Variants in LCP2 observed in about 807,000 individuals in gnomAD.
The protein encoded by LCP2 is lymphocyte cytosolic protein 2.
A neutral mutation model predicts 74.5 loss-of-function variants in LCP2; 29 were observed. That is an observed-to-expected ratio of 0.39 (90% CI 0.29 to 0.53). The LOEUF is 0.53. Among genes scored for constraint, LCP2 ranks in the 20% least tolerant of loss-of-function variants. The probability of loss-of-function intolerance (pLI) is 0.72; values close to 1 mark genes in which losing one functional copy is unlikely to be tolerated. For synonymous variants in LCP2, 228 were observed against 229.5 expected, an observed-to-expected ratio of 0.99 and a Z score of 0.06; for missense variants, 604 against 634.6, an observed-to-expected ratio of 0.95 and a Z score of 0.52.
At position 170,257,173 on chromosome 5, in the gene LCP2, C is replaced by T. The variant is rs148057924; in HGVS notation, c.1101-598G>A. Among the ~76,000 whole-genome samples the T allele has an allele frequency of 1.6e-3, 250 of 152,290 alleles. 1 individual carries two copies. The highest frequency in any genetic ancestry group is 2.7e-3 in the Admixed American group (42 of 15,302). On this transcript the variant is annotated intron_variant, in intron 16 of 20. Coordinates refer to ENST00000046794, the MANE Select transcript of LCP2 (RefSeq NM_005565.5). ...TCTAAACCTTTGGGAAAAGTCTGCTCTGCACAGCAACCTTGTGTGAGTGGG... is the reference window on the plus strand; with the variant it reads ...TCTAAACCTTTGGGAAAAGTCTGCTTTGCACAGCAACCTTGTGTGAGTGGG...
In LCP2 at chr5:170,270,857, CAT is replaced by C; in HGVS notation, c.383_384del (p.Tyr128Ter). On this transcript the variant is annotated frameshift_variant, in exon 7 of 21. Coordinates refer to ENST00000046794, the MANE Select transcript of LCP2 (RefSeq NM_005565.5). LOFTEE classifies it high-confidence loss of function. ...DDQDGEDDGD[Y>X]ESPNEEEEAP... The stretch of plus-strand genomic sequence containing the variant: ...GCCTCTTCCTCCTCATTGGGGGACT[CAT>C]AGTCTCCATCATCCTCCCCATCCTG... 6.2e-7 allele frequency: 1 copy of C among 1,612,548 alleles called. No individual in the cohort carries two copies. The highest frequency in any genetic ancestry group is 8.5e-7 in the Non-Finnish European group (1 of 1,179,178).
At chr5:170,289,649 CTT>C (rs1195946330) in intron 2 of LCP2, among the ~76,000 whole-genome samples, 6 of 116,724 alleles carry the variant, frequency 5.1e-5, no homozygotes, top group African/African-American at 2.0e-4. Context: ...TTCTTTCTTT[CTT>C]TCTTTCTTTC....
At chr5:170,290,832 C>T (rs1350220548) in intron 2 of LCP2, among the ~76,000 whole-genome samples, 2 of 151,530 alleles carry the variant, frequency 1.3e-5, no homozygotes, top group Non-Finnish European at 2.9e-5. Flanking sequence ...CTCCTTTTCT[C>T]TTCTTTTTAT....
chr5:170,251,548 A>T (rs1160262548), intron 19 of LCP2: 3 of 422,150 alleles, frequency 7.1e-6, no homozygotes, highest in African/African-American at 6.1e-5. Context: ...ATTGGTAAGG[A>T]CTCCTTTAAA....
At chr5:170,260,228 C>G (rs903947034) in intron 14 of LCP2, among the ~76,000 whole-genome samples, 3 of 152,240 alleles carry the variant, frequency 2.0e-5, no homozygotes, top group Non-Finnish European at 1.5e-5. Flanking sequence ...ACAGAGCATC[C>G]CGTGATTGCA....
In LCP2 at chr5:170,261,036, T is replaced by A. The variant is rs760034287; in HGVS notation, c.957+71A>T. 34 of 1,190,526 alleles carry A rather than the reference T, an allele frequency of 2.9e-5. No individual in the cohort carries two copies. The East Asian group carries it at 4.5e-4, about 16-fold the overall frequency. 73.7% of individuals were successfully genotyped at this position (1,190,526 alleles called of 1,614,324 possible). A position where few individuals can be genotyped will look rare whatever the true frequency, so the allele number is the denominator to read the frequency against. On this transcript the variant is annotated intron_variant, in intron 14 of 20. Coordinates refer to ENST00000046794, the MANE Select transcript of LCP2 (RefSeq NM_005565.5). ...TGGGCCAAGGCCAAGGTGGATGGAG[T>A]CCCAACCTCCTAAGAGCCTATGCTT...
intron 14 of LCP2, among the ~76,000 whole-genome samples, chr5:170,259,121 G>A (rs2113161200): frequency 6.6e-6 from 1 of 152,264 alleles, no homozygotes. Context: ...TACTCAGCAT[G>A]AAATAGATTC....
rs200125818 is a variant in LCP2 at position 170,287,977 on chromosome 5, G to A, written c.181C>T (p.Arg61Trp). 19 of 1,613,882 alleles carry A rather than the reference G, an allele frequency of 1.2e-5. No homozygotes were observed. The highest frequency in any genetic ancestry group is 6.7e-5 in the African/African-American group (5 of 74,998). Residue 61 changes from arginine (R) to tryptophan (W), a missense_variant, in exon 3 of 21, where the codon CGG becomes TGG. Transcript: ENST00000046794. Reference sequence around the variant, plus strand: ...AGTTGGAGGAGTACTTACGGCACCCGGAGCTTGGGGAACTTCTGGATGTCA... The same window carrying A: ...AGTTGGAGGAGTACTTACGGCACCCAGAGCTTGGGGAACTTCTGGATGTCA... ...ENDIQKFPKL[R>W]VPILSKLSQE...
intron 2 of LCP2, among the ~76,000 whole-genome samples, chr5:170,289,671 T>TTCTTTCTTTCTCTC (rs1554141414): frequency 1.1e-3 from 93 of 84,114 alleles, no homozygotes; most frequent in Admixed American, 2.9e-3. Flanking sequence ...CTTTCTTTCT[T>TTCTTTCTTTCTCTC]TCTCTCTCTC....
intron 14 of LCP2, 122 bp from the exon 15 acceptor site, chr5:170,259,000 A>ACAT: frequency 1.5e-6 from 1 of 672,248 alleles, no homozygotes; most frequent in Non-Finnish European, 2.6e-6. Context: ...TGGCAGTTAT[A>ACAT]CATCTTCATA....
At chr5:170,293,490 C>T (rs1268367761) in intron 1 of LCP2, 118 bp from the exon 2 acceptor site, 1 of 919,310 alleles carries the variant, frequency 1.1e-6, no homozygotes, top group Non-Finnish European at 1.7e-6. Context: ...CCAGGCTCCC[C>T]ACTGCCCTCC....
At chr5:170,270,432 A>T in intron 7 of LCP2, 1 of 363,130 alleles carries the variant, frequency 2.8e-6, no homozygotes, top group Non-Finnish European at 4.9e-6. Context: ...TGGTAGTTCA[A>T]TGCTGATATC....
chr5:170,268,467 C>A lies in LCP2; in HGVS notation c.539G>T (p.Gly180Val). The change falls in exon 8 of 21, where the codon GGG becomes GTG. Residue 180 changes from glycine (G) to valine (V), a missense_variant. Physicochemically the swap from Gly to Val is moderately radical, Grantham distance 109 (BLOSUM62 -3). Transcript: ENST00000046794. ...CACAGGAGGCTGCTGGGGGGTTTTC[C>A]CAGAGGGGGGCCGGTCTGTGGAAAC... ...NSMYIDRPPS[G>V]KTPQQPPVPP... 1 of 267,450 alleles carries A rather than the reference C, an allele frequency of 3.7e-6. No homozygotes were observed. The highest frequency in any genetic ancestry group is 7.0e-6 in the Non-Finnish European group (1 of 142,242). 16.6% of individuals were successfully genotyped at this position (267,450 alleles called of 1,614,324 possible).
intron 3 of LCP2, among the ~76,000 whole-genome samples, chr5:170,282,769 G>A (rs536691025): frequency 1.9e-4 from 29 of 152,292 alleles, no homozygotes; most frequent in Middle Eastern, 3.4e-3. Flanking sequence ...GCTGAGGCTC[G>A]GAGAGCTGAG....
chr5:170,280,222 C>A lies in LCP2; in HGVS notation c.189-4362G>T, dbSNP rs558681986. 2.4e-3 allele frequency among the ~76,000 whole-genome samples: 364 copies of A among 152,148 alleles called. 2 individuals carry two copies. Among genetic ancestry groups the A allele is most frequent in the African/African-American group, 8.1e-3 (337 of 41,498 alleles). On this transcript the variant is annotated intron_variant, in intron 3 of 20. Transcript: ENST00000046794. ...TTATTCCCTGGGCTCAGATTTCAGA[C>A]TGCCTGCTGATCCCTCCTGGGACAA...
chr5:170,289,617 TTTTCTTTCTTTCTTTCTTTCTTTC>T (rs70979169), intron 2 of LCP2, among the ~76,000 whole-genome samples: 16 of 122,134 alleles, frequency 1.3e-4, no homozygotes, highest in Non-Finnish European at 3.4e-5. Context: ...CTTTCTTTCT[TTTTCTTTCTTTCTTTCTTTCTTTC>T]TTTCTTTCTT....
chr5:170,272,567 C>A (rs1283682199), intron 6 of LCP2, among the ~76,000 whole-genome samples: 2 of 128,200 alleles, frequency 1.6e-5, no homozygotes, highest in South Asian at 5.3e-4. Context: ...TAAATGAGAT[C>A]GGTTATAACT....
intron 15 of LCP2, 31 bp downstream of exon 15, chr5:170,258,835 A>G (rs772129160): frequency 6.5e-7 from 1 of 1,543,770 alleles, no homozygotes; most frequent in Non-Finnish European, 8.9e-7. Context: ...AGAATGAGTT[A>G]TAGGCTGTAA....
intron 3 of LCP2, among the ~76,000 whole-genome samples, chr5:170,284,115 T>A (rs1269317277): frequency 6.6e-6 from 1 of 152,236 alleles, no homozygotes; most frequent in East Asian, 1.9e-4. Flanking sequence ...GTTCATTAAA[T>A]GAATAAAGTA....
Sources: allele counts gnomAD v4.1 joint callset (sites outside exome capture counted in the v4.1 genomes callset), GRCh38; gene constraint gnomAD v4.1.1; transcripts MANE v1.5; gene names NCBI Gene and HGNC (gene_info 2026-07-23, HGNC 2026-07-21).